The following TTK variants were observed in gnomAD, a reference collection of about 807,000 sequenced individuals.
The protein encoded by TTK is TTK protein kinase, also known as dual specificity protein kinase TTK.
Under a neutral mutation model 117.3 loss-of-function variants are expected in TTK, and 59 were observed. The observed-to-expected ratio is 0.50, with a 90% CI of 0.41 to 0.62. The LOEUF (loss-of-function observed/expected upper bound fraction) is 0.62. Ranked by LOEUF, TTK falls within the 20% of genes least tolerant of loss-of-function variation. The probability of loss-of-function intolerance (pLI) is 0.00; values close to 1 mark genes in which losing one functional copy is unlikely to be tolerated. For synonymous variants in TTK, 302 were observed against 325.0 expected, an observed-to-expected ratio of 0.93 and a Z score of 0.76; for missense variants, 921 against 989.4, an observed-to-expected ratio of 0.93 and a Z score of 0.93.
At chr6:80,031,826 A>G (rs1388850776) in intron 14 of TTK, among the ~76,000 whole-genome samples, 1 of 152,124 alleles carries the variant, frequency 6.6e-6, no homozygotes, top group South Asian at 2.1e-4. Flanking sequence ...AAACATTGAC[A>G]TGGGGTAGCG....
intron 11 of TTK, among the ~76,000 whole-genome samples, chr6:80,025,040 A>G (rs1344672422): frequency 6.6e-6 from 1 of 152,290 alleles, no homozygotes; most frequent in East Asian, 1.9e-4. Flanking sequence ...GTGTATTACC[A>G]GTCCTACAGC....
intron 11 of TTK, among the ~76,000 whole-genome samples, chr6:80,024,713 A>G (rs1395887570): frequency 1.3e-5 from 2 of 152,178 alleles, no homozygotes; most frequent in Non-Finnish European, 2.9e-5. Context: ...TGAGCAACTA[A>G]AAACCATTGA....
rs964509119 is a variant in TTK at position 80,011,091 on chromosome 6, A to C, written c.613+134A>C. On this transcript the variant is annotated intron_variant, in intron 5 of 21. Coordinates refer to ENST00000369798, the MANE Select transcript of TTK (RefSeq NM_003318.5). ...AAGATTAAATTGTAAAGGAGGTAAG[A>C]CTGAGAAGTAAAAAAGTCTCTACAA... The C allele has an allele frequency of 3.4e-6, 4 of 1,166,868 alleles. No homozygotes were observed. In the African/African-American group the frequency reaches 6.3e-5, roughly 18 times the overall value. 72.3% of individuals were successfully genotyped at this position (1,166,868 alleles called of 1,614,324 possible). A position where few individuals can be genotyped will look rare whatever the true frequency, so the allele number is the denominator to read the frequency against.
At chr6:80,014,036 T>C (rs1767238122) in intron 9 of TTK, among the ~76,000 whole-genome samples, 1 of 152,168 alleles carries the variant, frequency 6.6e-6, no homozygotes, top group African/African-American at 2.4e-5. Flanking sequence ...GTCAAAAAGA[T>C]TGTTCTCTGG....
chr6:80,029,896 C>T (rs1398672018), intron 13 of TTK, among the ~76,000 whole-genome samples: 1 of 152,148 alleles, frequency 6.6e-6, no homozygotes, highest in Non-Finnish European at 1.5e-5. Flanking sequence ...GGAGAAAGGA[C>T]ATTGAACTGC....
chr6:80,015,322 G>A (rs1160258861), intron 10 of TTK, among the ~76,000 whole-genome samples: 12 of 152,072 alleles, frequency 7.9e-5, no homozygotes, highest in African/African-American at 2.4e-4. Context: ...AAGACTAGGC[G>A]GACTTTGAAT....
intron 16 of TTK, 151 bp downstream of exon 16, chr6:80,035,568 C>A: frequency 1.1e-6 from 1 of 904,012 alleles, no homozygotes; most frequent in Non-Finnish European, 1.6e-6. Flanking sequence ...GATAAAGGAA[C>A]AAAACCATTT....
In TTK at chr6:80,032,351, C is replaced by T. The variant is rs185144541; in HGVS notation, c.1614+792C>T. Among the ~76,000 whole-genome samples, 8 of 152,180 alleles carry T rather than the reference C, an allele frequency of 5.3e-5. No homozygotes were observed. The East Asian group carries it at 1.4e-3, about 26-fold the overall frequency. ...ATTGTCTTCTTCGTGTTACTGATCT[C>T]AGTGAAGCACTGCTCCGGGCTTAGT... On this transcript the variant is annotated intron_variant, in intron 14 of 21. Transcript: ENST00000369798.
At position 80,025,518 on chromosome 6, in the gene TTK, T is replaced by C. The variant is rs113557127; in HGVS notation, c.1258-860T>C. ...TGAACCTCTGTAGACTAGTGAGTGC[T>C]TAGTTACTAAAAGTATTCAAGCAAA... On this transcript the variant is annotated intron_variant, in intron 11 of 21. Transcript: ENST00000369798. Among the ~76,000 whole-genome samples, 380 of 152,324 alleles carry C rather than the reference T, an allele frequency of 2.5e-3. 2 individuals carry two copies. Among genetic ancestry groups the C allele is most frequent in the African/African-American group, 8.0e-3 (334 of 41,572 alleles).
At chr6:80,030,059 A>T (rs3799494) in intron 13 of TTK, among the ~76,000 whole-genome samples, 3 of 152,170 alleles carry the variant, frequency 2.0e-5, no homozygotes, top group Non-Finnish European at 2.9e-5. Flanking sequence ...TAGACAATGT[A>T]TCTCAATCCT....
chr6:80,035,467 T>G (rs773480683), intron 16 of TTK, 50 bp downstream of exon 16: 1 of 1,523,510 alleles, frequency 6.6e-7, no homozygotes, highest in African/African-American at 1.4e-5. Context: ...TTGTTAATAG[T>G]GTCATCTTAG....
At chr6:80,041,308 C>T (rs575413715) in intron 21 of TTK, among the ~76,000 whole-genome samples, 3 of 151,876 alleles carry the variant, frequency 2.0e-5, no homozygotes, top group East Asian at 1.9e-4. Flanking sequence ...TATCAATACT[C>T]GTAGCTCTCT....
chr6:80,013,167 T>G (rs1384283780), intron 8 of TTK, 112 bp from the exon 9 acceptor site: 1 of 831,036 alleles, frequency 1.2e-6, no homozygotes, highest in Non-Finnish European at 1.9e-6. Flanking sequence ...AAGAGATTTT[T>G]TTCAATAAAA....
Position 80,025,272 on chromosome 6 carries a change from C to T in TTK, c.1258-1106C>T, listed in dbSNP as rs1333592526. 2.7e-4 allele frequency among the ~76,000 whole-genome samples: 41 copies of T among 152,200 alleles called. 2 individuals are homozygous for T. The highest frequency in any genetic ancestry group is 2.4e-3 in the Admixed American group (37 of 15,284). ...ATCTTAAAATATGTGCGTGCTTGTACGTGAGCACAGACACACGAAGTCTTA... is the reference window on the plus strand; with the variant it reads ...ATCTTAAAATATGTGCGTGCTTGTATGTGAGCACAGACACACGAAGTCTTA... On this transcript the variant is annotated intron_variant, in intron 11 of 21. Coordinates refer to ENST00000369798, the MANE Select transcript of TTK (RefSeq NM_003318.5).
At chr6:80,039,956 CTG>C in intron 19 of TTK, 84 bp downstream of exon 19, 1 of 1,145,462 alleles carries the variant, frequency 8.7e-7, no homozygotes, top group South Asian at 2.3e-5. Context: ...TTAGATATAA[CTG>C]TTCTATTCAA....
At chr6:80,038,816 T>C (rs1249076896) in intron 18 of TTK, among the ~76,000 whole-genome samples, 1 of 152,162 alleles carries the variant, frequency 6.6e-6, no homozygotes, top group Non-Finnish European at 1.5e-5. Context: ...TATTAGACTT[T>C]CTGTGGTTTT....
chr6:80,023,583 ACT>A (rs1767524702), intron 11 of TTK, among the ~76,000 whole-genome samples: 1 of 152,142 alleles, frequency 6.6e-6, no homozygotes, highest in African/African-American at 2.4e-5. Context: ...ACAGAGCGAG[ACT>A]CTGTCTCAAA....
intron 9 of TTK, among the ~76,000 whole-genome samples, 166 bp from the exon 10 acceptor site, chr6:80,014,297 A>G (rs1767245657): frequency 6.6e-6 from 1 of 152,254 alleles, no homozygotes; most frequent in Middle Eastern, 3.4e-3. Flanking sequence ...CTAATTAATA[A>G]TTCAGGCAGT....
intron 12 of TTK, 98 bp from the exon 13 acceptor site, chr6:80,027,787 C>T: frequency 1.1e-6 from 1 of 902,316 alleles, no homozygotes; most frequent in Admixed American, 3.5e-5. Context: ...TTTGATGTAA[C>T]ACTTTTAAGT....
Sources: allele counts gnomAD v4.1 joint callset (sites outside exome capture counted in the v4.1 genomes callset), GRCh38; gene constraint gnomAD v4.1.1; transcripts MANE v1.5; gene names NCBI Gene and HGNC (gene_info 2026-07-23, HGNC 2026-07-21).